The following CHST6 variants were observed in gnomAD, a reference collection of about 807,000 sequenced individuals.
The protein encoded by CHST6 is carbohydrate sulfotransferase 6.
For missense variants in CHST6, 698 were observed against 586.2 expected, an observed-to-expected ratio of 1.19 and a Z score of -1.97; for synonymous variants, 309 against 276.4, an observed-to-expected ratio of 1.12 and a Z score of -1.17.
chr16:75,493,848 T>A (rs2080282437), intron 1 of CHST6, among the ~76,000 whole-genome samples: 1 of 152,134 alleles, frequency 6.6e-6, no homozygotes, highest in African/African-American at 2.4e-5. Context: ...GCTAGAGGCC[T>A]GGCTTGTGTT....
rs2080045516 is a variant in CHST6, at chr16:75,474,371, G to C, written c.*4270C>G. The C allele has an allele frequency of 2.7e-6, 1 of 370,318 alleles. No homozygotes were observed. The highest frequency in any genetic ancestry group is 4.8e-6 in the Non-Finnish European group (1 of 208,872). 22.9% of individuals were successfully genotyped at this position (370,318 alleles called of 1,614,324 possible). A position where few individuals can be genotyped will look rare whatever the true frequency, so the allele number is the denominator to read the frequency against. ...TTCAATGTAGCCTCAACCTCCCAGG[G>C]TCAAGCAGTCCTCCCAACTCAGCCT... On this transcript the variant is annotated 3_prime_UTR_variant, in exon 3 of 3. Transcript: ENST00000332272.
In CHST6 at chr16:75,475,315, A is replaced by C. The variant is rs1348408739; in HGVS notation, c.*3326T>G. ...ACTGGCTCACAGGAAGTTGCACTAC[A>C]CTTGTCTACAGGACAAAGCAAGTCA... is the stretch of plus-strand genomic sequence containing the variant. On this transcript the variant is annotated 3_prime_UTR_variant, in exon 3 of 3. Transcript: ENST00000332272. 1.3e-5 allele frequency: 2 copies of C among 152,248 alleles called. No individual in the cohort carries two copies. Among genetic ancestry groups the C allele is most frequent in the Non-Finnish European group, 2.9e-5 (2 of 68,064 alleles). 9.4% of individuals were successfully genotyped at this position (152,248 alleles called of 1,614,324 possible).
chr16:75,479,279 G>C lies in CHST6; in HGVS notation c.550C>G (p.Leu184Val), dbSNP rs140725711. The C allele has an allele frequency of 3.3e-5, 54 of 1,612,948 alleles. No individual in the cohort carries two copies. The highest frequency in any genetic ancestry group is 4.1e-5 in the Non-Finnish European group (48 of 1,179,800). ...GCGGGGTCGCTGAGCAGCGGGTAGA[G>C]CACCTGCAGGTTGAAGAAGCGCACC... The part of the protein sequence containing the change: ...KEVRFFNLQV[L>V]YPLLSDPALN... Residue 184 changes from leucine (L) to valine (V), a missense_variant, in exon 3 of 3, where the codon CTC (leucine) becomes GTC (valine). Transcript: ENST00000332272.
At position 75,474,197 on chromosome 16, in the gene CHST6, T is replaced by C. The variant is rs1048250703; in HGVS notation, c.*4444A>G. 2.4e-4 allele frequency: 39 copies of C among 159,454 alleles called. No homozygotes were observed. The highest frequency in any genetic ancestry group is 9.1e-4 in the African/African-American group (38 of 41,770). 9.9% of individuals were successfully genotyped at this position (159,454 alleles called of 1,614,324 possible). A position where few individuals can be genotyped will look rare whatever the true frequency, so the allele number is the denominator to read the frequency against. On this transcript the variant is annotated 3_prime_UTR_variant, in exon 3 of 3. Transcript: ENST00000332272. ...CCTCAAAAAAACAGAAACAAAAACATTGTTTTTCTTTGTGAATCTGTCTTT... is the reference window on the plus strand; with the variant it reads ...CCTCAAAAAAACAGAAACAAAAACACTGTTTTTCTTTGTGAATCTGTCTTT...
At chr16:75,491,187 AAAAATAT>A (rs1366485008) in intron 1 of CHST6, among the ~76,000 whole-genome samples, 10 of 81,148 alleles carry the variant, frequency 1.2e-4, no homozygotes, top group African/African-American at 4.4e-4. Context: ...AAAAAAAAAA[AAAAATAT>A]ATATATATAT....
At chr16:75,493,028 C>A (rs754534080) in intron 1 of CHST6, among the ~76,000 whole-genome samples, 5 of 152,064 alleles carry the variant, frequency 3.3e-5, no homozygotes, top group Non-Finnish European at 1.5e-5. Flanking sequence ...ACTATTATCA[C>A]TACCCAGAAC....
intron 2 of CHST6, among the ~76,000 whole-genome samples, chr16:75,480,984 G>T (rs986729768): frequency 6.6e-6 from 1 of 150,414 alleles, no homozygotes; most frequent in Non-Finnish European, 1.5e-5. Flanking sequence ...CAGGATGCGA[G>T]CCTGGGATTC....
chr16:75,472,589 T>C lies in CHST6; in HGVS notation c.*6052A>G, dbSNP rs1473624258. On this transcript the variant is annotated 3_prime_UTR_variant, in exon 3 of 3. Transcript: ENST00000332272. ...TAGGCAAAAATTAAAACCATTGATT[T>C]AACCCTGTAGAGGTGATGGGGCAGT... 6.6e-6 allele frequency: 1 copy of C among 152,200 alleles called. No individual in the cohort carries two copies. Among genetic ancestry groups the C allele is most frequent in the Non-Finnish European group, 1.5e-5 (1 of 68,030 alleles). The allele number at this position is 152,200 out of a possible 1,614,324, so 9.4% of individuals were successfully genotyped here. A position where few individuals can be genotyped will look rare whatever the true frequency, so the allele number is the denominator to read the frequency against.
Position 75,479,197 on chromosome 16 carries a change from C to A in CHST6, c.632G>T (p.Arg211Leu). 1.2e-6 allele frequency: 2 copies of A among 1,609,026 alleles called. No homozygotes were observed. The highest frequency in any genetic ancestry group is 1.7e-6 in the Non-Finnish European group (2 of 1,179,154). The change falls in exon 3 of 3, where the codon CGG (arginine) becomes CTG (leucine). Residue 211 changes from arginine (R) to leucine (L), a missense_variant. Coordinates refer to ENST00000332272, the MANE Select transcript of CHST6 (RefSeq NM_021615.5). Reference sequence around the variant, plus strand: ...CGCCAGAGCCTTGGCTGTCTGCTCCCGGGAGCGCAGCACGGCCCGCGGGTC... The same window carrying A: ...CGCCAGAGCCTTGGCTGTCTGCTCCAGGGAGCGCAGCACGGCCCGCGGGTC... The part of the protein sequence containing the change: ...VRDPRAVLRS[R>L]EQTAKALARD...
rs2080060763 is a variant in CHST6 at position 75,475,864 on chromosome 16, G to A, written c.*2777C>T. On this transcript the variant is annotated 3_prime_UTR_variant, in exon 3 of 3. Transcript: ENST00000332272. The stretch of plus-strand genomic sequence containing the variant: ...CTTGTTGGGCATGCTGGCTGGGCAT[G>A]AGATGGAGTCTTGCTCTGTCATCCA... 6.6e-6 allele frequency: 1 copy of A among 152,264 alleles called. No homozygotes were observed. Among genetic ancestry groups the A allele is most frequent in the Non-Finnish European group, 1.5e-5 (1 of 68,082 alleles). 9.4% of individuals were successfully genotyped at this position (152,264 alleles called of 1,614,324 possible).
intron 1 of CHST6, among the ~76,000 whole-genome samples, chr16:75,493,365 C>T (rs891086607): frequency 2.4e-4 from 37 of 151,922 alleles, no homozygotes; most frequent in East Asian, 1.9e-3. Context: ...AAAAATTAGC[C>T]GGGCGTGGTG....
In CHST6 at chr16:75,478,626, C is replaced by T. The variant is rs767456402; in HGVS notation, c.*15G>A. The T allele has an allele frequency of 1.7e-5, 27 of 1,611,960 alleles. No individual in the cohort carries two copies. In the East Asian group the frequency reaches 2.2e-4, roughly 13 times the overall value. On this transcript the variant is annotated 3_prime_UTR_variant, in exon 3 of 3. Coordinates refer to ENST00000332272, the MANE Select transcript of CHST6 (RefSeq NM_021615.5). ...CTCCTCCCGGGCCTAGCGCCTGCTA[C>T]AACTGTGGCCTCCACTAATTTCGGG...
chr16:75,487,806 TAAAAAAA>T (rs771817845), intron 1 of CHST6, among the ~76,000 whole-genome samples: 4 of 56,196 alleles, frequency 7.1e-5, no homozygotes, highest in East Asian at 1.3e-3. Context: ...CCGTCCCCCC[TAAAAAAA>T]AAAAAAAAAA....
At chr16:75,487,217 AC>A (rs2080207452) in intron 1 of CHST6, among the ~76,000 whole-genome samples, 2 of 152,186 alleles carry the variant, frequency 1.3e-5, no homozygotes. Context: ...GGCCTGAGAG[AC>A]CTAGGAAGGA....
At chr16:75,481,768 G>T in intron 2 of CHST6, 49 bp downstream of exon 2, 1 of 473,986 alleles carries the variant, frequency 2.1e-6, no homozygotes, top group Non-Finnish European at 4.3e-6. Flanking sequence ...AGCCAGAGAA[G>T]CAGAGAGGTG....
chr16:75,482,529 A>C (rs1316516527), intron 1 of CHST6, among the ~76,000 whole-genome samples: 1 of 151,968 alleles, frequency 6.6e-6, no homozygotes, highest in Non-Finnish European at 1.5e-5. Flanking sequence ...CAAGGGGGAA[A>C]CTCCGTCTCA....
At position 75,473,444 on chromosome 16, in the gene CHST6, G is replaced by A. The variant is rs554016597; in HGVS notation, c.*5197C>T. ...TCCCGGGCAGAGGCGGAGGTCCGAAGCAAAGGAGCAGCACGCAGGTTCTCT... is the reference window on the plus strand; with the variant it reads ...TCCCGGGCAGAGGCGGAGGTCCGAAACAAAGGAGCAGCACGCAGGTTCTCT... On this transcript the variant is annotated 3_prime_UTR_variant, in exon 3 of 3. Transcript: ENST00000332272. 2.0e-4 allele frequency: 31 copies of A among 152,444 alleles called. No individual in the cohort carries two copies. The highest frequency in any genetic ancestry group is 6.5e-4 in the African/African-American group (27 of 41,574). The allele number at this position is 152,444 out of a possible 1,614,324, so 9.4% of individuals were successfully genotyped here.
intron 1 of CHST6, among the ~76,000 whole-genome samples, chr16:75,492,301 T>C (rs1319134055): frequency 2.6e-5 from 4 of 152,190 alleles, no homozygotes; most frequent in African/African-American, 9.7e-5. Flanking sequence ...TAAATTGTAG[T>C]ACCTTACAGC....
At position 75,479,497 on chromosome 16, in the gene CHST6, A is replaced by G. The variant is rs905696825; in HGVS notation, c.332T>C (p.Leu111Pro). ...LCDMDVFDAY[L>P]PWRRNLSDLF... The stretch of plus-strand genomic sequence containing the variant: ...GTCGGACAGGTTGCGGCGCCAAGGC[A>G]GATAGGCATCAAACACGTCCATGTC... Residue 111 changes from leucine (L) to proline (P), a missense_variant, in exon 3 of 3, where the codon CTG becomes CCG. Leu to Pro is a moderately conservative substitution (Grantham distance 98). Transcript: ENST00000332272. The G allele has an allele frequency of 2.5e-6, 4 of 1,612,752 alleles. No individual in the cohort carries two copies. Among genetic ancestry groups the G allele is most frequent in the African/African-American group, 1.3e-5 (1 of 74,886 alleles).
Sources: gnomAD v4.1 joint callset for allele counts (sites outside exome capture counted in the v4.1 genomes callset) on GRCh38, gnomAD v4.1.1 for gene constraint, MANE v1.5 for transcripts, NCBI Gene and HGNC (gene_info 2026-07-23, HGNC 2026-07-21) for gene names.